Variants in SYT14 observed in about 807,000 individuals in gnomAD.
The protein encoded by SYT14 is synaptotagmin 14.
A neutral mutation model predicts 74.2 loss-of-function variants in SYT14; 32 were observed. That is an observed-to-expected ratio of 0.43 (90% CI 0.33 to 0.58). The LOEUF is 0.58. SYT14 is among the 20% of genes least tolerant of loss of function. The pLI is 0.05. For missense variants in SYT14, 791 were observed against 981.8 expected (o/e 0.81, Z 2.60); for synonymous variants, 298 against 337.7 (o/e 0.88, Z 1.29).
intron 5 of SYT14, among the ~76,000 whole-genome samples, chr1:210,037,305 A>T (rs541709865): frequency 6.6e-6 from 1 of 151,992 alleles, no homozygotes; most frequent in Admixed American, 6.6e-5. Flanking sequence ...GATTGTGCAT[A>T]TTTGAGTATT....
At chr1:210,035,370 T>G (rs2103006413) in intron 5 of SYT14, among the ~76,000 whole-genome samples, 1 of 152,092 alleles carries the variant, frequency 6.6e-6, no homozygotes, top group East Asian at 1.9e-4. Flanking sequence ...TCAAGTTGTC[T>G]GTTGACTGTG....
chr1:210,169,350 T>C (rs1352533773), exon 10 of SYT14: 2 of 151,086 alleles, frequency 1.3e-5, no homozygotes, highest in Admixed American at 1.3e-4. Flanking sequence ...TATAGTATTC[T>C]GTAATTATGT....
intron 7 of SYT14, among the ~76,000 whole-genome samples, chr1:210,136,554 G>C (rs144189105): frequency 1.3e-5 from 2 of 152,248 alleles, no homozygotes; most frequent in African/African-American, 2.4e-5. Flanking sequence ...CGTTTTGGCA[G>C]CTTGGAATGC....
At chr1:209,985,589 T>C (rs1051777292) in intron 2 of SYT14, among the ~76,000 whole-genome samples, 1 of 152,236 alleles carries the variant, frequency 6.6e-6, no homozygotes, top group Non-Finnish European at 1.5e-5. Context: ...CTGCCCTTTT[T>C]CCACAGCTCC....
chr1:210,070,910 A>ATTTTT (rs200981834), intron 5 of SYT14, among the ~76,000 whole-genome samples: 7 of 116,270 alleles, frequency 6.0e-5, no homozygotes, highest in Admixed American at 9.4e-5. Flanking sequence ...GTTGGGTATA[A>ATTTTT]TTTTTTTTTT....
intron 5 of SYT14, among the ~76,000 whole-genome samples, chr1:210,077,586 T>A (rs1227401333): frequency 6.6e-6 from 1 of 152,234 alleles, no homozygotes; most frequent in Non-Finnish European, 1.5e-5. Context: ...ATACATGTTT[T>A]TATCTCCTTT....
At chr1:210,128,671 C>T (rs1352451963) in intron 7 of SYT14, among the ~76,000 whole-genome samples, 1 of 152,178 alleles carries the variant, frequency 6.6e-6, no homozygotes, top group African/African-American at 2.4e-5. Flanking sequence ...TGAGTAAGCT[C>T]TACCAATCAT....
chr1:209,949,503 G>T (rs2078877425), intron 1 of SYT14, among the ~76,000 whole-genome samples: 1 of 151,048 alleles, frequency 6.6e-6, no homozygotes, highest in African/African-American at 2.4e-5. Flanking sequence ...AACCCGGGAG[G>T]CAGAGGTTGC....
rs998805491 is a variant in SYT14, at chr1:210,112,601, A to G, written c.2034+12140A>G. The stretch of plus-strand genomic sequence containing the variant: ...CTGACAGTGAGGGACGGAAGTTGGA[A>G]GCTAGCTGCTGCTTTAGCTACCTTG... On this transcript the variant is annotated intron_variant, in intron 7 of 9. Transcript: ENST00000637265. 1.3e-5 allele frequency among the ~76,000 whole-genome samples: 2 copies of G among 151,302 alleles called. 1 individual carries two copies. The highest frequency in any genetic ancestry group is 3.9e-4 in the East Asian group (2 of 5,176).
intron 1 of SYT14, among the ~76,000 whole-genome samples, chr1:209,943,424 AAACCCGGG>A (rs1291616762): frequency 6.8e-6 from 1 of 146,548 alleles, no homozygotes; most frequent in Non-Finnish European, 1.5e-5. Flanking sequence ...AGAATCACCT[AAACCCGGG>A]AACCCGGGAG....
chr1:210,151,504 G>GCCCCCC (rs140800804), intron 7 of SYT14, among the ~76,000 whole-genome samples: 1 of 120,050 alleles, frequency 8.3e-6, no homozygotes, highest in Non-Finnish European at 1.6e-5. Flanking sequence ...ATAGGCGAAT[G>GCCCCCC]CCCCCCCCCT....
At chr1:210,087,608 C>G (rs2081763019) in intron 5 of SYT14, among the ~76,000 whole-genome samples, 1 of 152,034 alleles carries the variant, frequency 6.6e-6, no homozygotes, top group Non-Finnish European at 1.5e-5. Flanking sequence ...TAGGACTGCC[C>G]CCATGTATGT....
chr1:209,952,616 C>T (rs1438214678), intron 1 of SYT14, 93 bp from the exon 2 acceptor site: 2 of 1,083,382 alleles, frequency 1.8e-6, no homozygotes, highest in East Asian at 4.7e-5. Flanking sequence ...TTTTTGAGGT[C>T]ACTTTTAGGT....
exon 10 of SYT14, chr1:210,165,467 A>G (rs1235935257): frequency 6.6e-6 from 1 of 152,146 alleles, no homozygotes; most frequent in Non-Finnish European, 1.5e-5. Context: ...TTATATTCCA[A>G]AAGCATATTA....
chr1:210,049,950 G>A (rs980022384), intron 5 of SYT14, among the ~76,000 whole-genome samples: 5 of 152,102 alleles, frequency 3.3e-5, no homozygotes, highest in African/African-American at 1.2e-4. Flanking sequence ...TAGGGGCTGC[G>A]GTGAAGACCT....
At chr1:210,116,452 T>C (rs2082363091) in intron 7 of SYT14, among the ~76,000 whole-genome samples, 1 of 152,190 alleles carries the variant, frequency 6.6e-6, no homozygotes, top group Admixed American at 6.5e-5. Context: ...TTTCAAGTGA[T>C]TTTCCTGCCT....
intron 2 of SYT14, among the ~76,000 whole-genome samples, chr1:209,981,579 T>C (rs1385538232): frequency 1.3e-5 from 2 of 151,164 alleles, no homozygotes; most frequent in Non-Finnish European, 2.9e-5. Flanking sequence ...GCCTCCCGAG[T>C]AGCTGGGACT....
intron 7 of SYT14, among the ~76,000 whole-genome samples, chr1:210,113,802 G>C (rs1212725862): frequency 6.6e-6 from 1 of 151,238 alleles, no homozygotes; most frequent in Non-Finnish European, 1.5e-5. Flanking sequence ...AGGGAGCTGG[G>C]CAGGTGGGGA....
At chr1:210,130,193 T>A (rs2082645468) in intron 7 of SYT14, among the ~76,000 whole-genome samples, 1 of 152,222 alleles carries the variant, frequency 6.6e-6, no homozygotes, top group Non-Finnish European at 1.5e-5. Context: ...CACTATTAAA[T>A]GTTAACCATT....
Sources: allele counts gnomAD v4.1 joint callset (sites outside exome capture counted in the v4.1 genomes callset), GRCh38; gene constraint gnomAD v4.1.1; transcripts MANE v1.5; gene names NCBI Gene and HGNC (gene_info 2026-07-23, HGNC 2026-07-21).